The following HHLA1 variants were observed in gnomAD, a reference collection of about 807,000 sequenced individuals.
The protein encoded by HHLA1 is HERV-H LTR-associating protein 1.
HHLA1 carries 72 observed loss-of-function variants against 69.9 expected under a neutral mutation model. The ratio of observed to expected loss-of-function variants is 1.03; its 90% CI spans 0.85 to 1.25. HHLA1 has a LOEUF of 1.25. HHLA1 is among the 50% of genes most tolerant of loss of function. The pLI is 0.00. For missense variants in HHLA1, 685 were observed against 642.2 expected, an observed-to-expected ratio of 1.07 and a Z score of -0.72; for synonymous variants, 252 against 233.2, an observed-to-expected ratio of 1.08 and a Z score of -0.73.
intron 14 of HHLA1, 82 bp downstream of exon 14, chr8:132,075,973 G>A (rs1041456771): frequency 1.3e-5 from 14 of 1,078,868 alleles, no homozygotes; most frequent in Middle Eastern, 2.0e-4. Context: ...TAAATTTACC[G>A]AACAAACCTC....
rs181181623 is a variant in HHLA1, at chr8:132,108,975, A to G, written c.-22+2127T>C. 2.6e-5 allele frequency among the ~76,000 whole-genome samples: 4 copies of G among 152,260 alleles called. No individual in the cohort carries two copies. The East Asian group carries it at 7.7e-4, about 29-fold the overall frequency. ...TGTTAAAGTGATATATAAGTCCCCA[A>G]GTCTGATGGCCCTTTTAGGGTATTT... On this transcript the variant is annotated intron_variant, in intron 1 of 16. Transcript: ENST00000414222.
chr8:132,079,189 A>C (rs1431171000), intron 11 of HHLA1, among the ~76,000 whole-genome samples: 1 of 152,244 alleles, frequency 6.6e-6, no homozygotes, highest in Non-Finnish European at 1.5e-5. Context: ...GGCCTCCTGC[A>C]GGTCATTGGC....
chr8:132,109,188 G>A (rs967944671), intron 1 of HHLA1, among the ~76,000 whole-genome samples: 1 of 152,136 alleles, frequency 6.6e-6, no homozygotes. Context: ...TGTATTTTTA[G>A]TAGAGGCAGG....
chr8:132,090,000 AG>A (rs1311973339), intron 7 of HHLA1, among the ~76,000 whole-genome samples: 1 of 152,226 alleles, frequency 6.6e-6, no homozygotes, highest in East Asian at 1.9e-4. Flanking sequence ...GTAAATTTAC[AG>A]ACTTGGGGGT....
rs750368299 is a variant in HHLA1 at position 132,071,267 on chromosome 8, C to T, written c.1469+73G>A. On this transcript the variant is annotated intron_variant, in intron 15 of 16. Coordinates refer to ENST00000414222, the MANE Select transcript of HHLA1 (RefSeq NM_001145095.3). ...TGCTTATTGCCTGACTGCCTTGTGGCCTGCAGAAAAGCCACACGGAATAAG... is the reference window on the plus strand; with the variant it reads ...TGCTTATTGCCTGACTGCCTTGTGGTCTGCAGAAAAGCCACACGGAATAAG... 293 of 1,381,562 alleles carry T rather than the reference C, an allele frequency of 2.1e-4. No individual in the cohort carries two copies. In the Middle Eastern group the frequency reaches 2.7e-3, roughly 13 times the overall value. 85.6% of individuals were successfully genotyped at this position (1,381,562 alleles called of 1,614,324 possible).
At chr8:132,078,888 G>T (rs750683519) in intron 11 of HHLA1, among the ~76,000 whole-genome samples, 4 of 152,134 alleles carry the variant, frequency 2.6e-5, no homozygotes, top group African/African-American at 9.6e-5. Context: ...AACCCACTGA[G>T]AAAATATTGA....
chr8:132,108,450 A>G (rs1824241447), intron 1 of HHLA1, among the ~76,000 whole-genome samples: 1 of 152,098 alleles, frequency 6.6e-6, no homozygotes. Flanking sequence ...GATATCCAAA[A>G]TTTTACCGTA....
At chr8:132,100,689 A>G (rs1289372095) in intron 3 of HHLA1, among the ~76,000 whole-genome samples, 1 of 152,114 alleles carries the variant, frequency 6.6e-6, no homozygotes, top group Non-Finnish European at 1.5e-5. Flanking sequence ...AGGGGAATGA[A>G]CCCGGTCTCC....
At chr8:132,099,677 A>G (rs1397972030) in intron 4 of HHLA1, among the ~76,000 whole-genome samples, 1 of 152,102 alleles carries the variant, frequency 6.6e-6, no homozygotes, top group Non-Finnish European at 1.5e-5. Flanking sequence ...AACATGGTGA[A>G]ACCCCATAGC....
chr8:132,073,472 C>CT (rs1334775878), intron 14 of HHLA1, among the ~76,000 whole-genome samples: 1 of 152,190 alleles, frequency 6.6e-6, no homozygotes, highest in African/African-American at 2.4e-5. Flanking sequence ...AGGCACTCTC[C>CT]TAAGATCTTT....
chr8:132,078,970 C>T (rs904938593), intron 11 of HHLA1, among the ~76,000 whole-genome samples: 1 of 152,132 alleles, frequency 6.6e-6, no homozygotes, highest in Non-Finnish European at 1.5e-5. Context: ...GCACAACTTG[C>T]AGGTTTGTTA....
chr8:132,097,412 C>T (rs185651584), intron 5 of HHLA1, among the ~76,000 whole-genome samples: 5 of 152,216 alleles, frequency 3.3e-5, no homozygotes, highest in Non-Finnish European at 7.4e-5. Flanking sequence ...TTCTGAATTC[C>T]AACTCTATGT....
At chr8:132,087,958 TTTGA>T (rs1486211070) in intron 8 of HHLA1, 57 bp from the exon 9 acceptor site, 7 of 1,328,830 alleles carry the variant, frequency 5.3e-6, no homozygotes, top group Non-Finnish European at 7.4e-6. Context: ...GCTGTAAGTC[TTTGA>T]TTGAAATGAA....
At position 132,087,862 on chromosome 8, in the gene HHLA1, A is replaced by C; in HGVS notation, c.572T>G (p.Val191Gly). ...TGGTTTACCTGACTTTCCTGTCATC[A>C]CACAGATGAAGATGCAATCTGATTC... Reference protein sequence around the residue: ...SNESDCIFICVMTGKSGRNLS... With the variant: ...SNESDCIFICGMTGKSGRNLS... Residue 191 changes from valine (V) to glycine (G), a missense_variant, in exon 9 of 17, where the codon GTG (valine) becomes GGG (glycine). Transcript: ENST00000414222. The C allele has an allele frequency of 6.4e-7, 1 of 1,551,588 alleles. No individual in the cohort carries two copies. The highest frequency in any genetic ancestry group is 8.7e-7 in the Non-Finnish European group (1 of 1,146,748).
At chr8:132,107,164 A>C (rs1824215033) in intron 1 of HHLA1, among the ~76,000 whole-genome samples, 1 of 152,212 alleles carries the variant, frequency 6.6e-6, no homozygotes, top group Non-Finnish European at 1.5e-5. Context: ...CGGAATTAAA[A>C]GATAAAAACT....
At chr8:132,104,967 AGGTG>A (rs1436425591) in intron 2 of HHLA1, among the ~76,000 whole-genome samples, 1 of 152,210 alleles carries the variant, frequency 6.6e-6, no homozygotes, top group Non-Finnish European at 1.5e-5. Context: ...TTTTGGACAA[AGGTG>A]GTAACAGTGA....
rs182852854 is a variant in HHLA1 at position 132,087,809 on chromosome 8, C to G, written c.589+36G>C. 43 of 1,546,338 alleles carry G rather than the reference C, an allele frequency of 2.8e-5. No individual in the cohort carries two copies. The African/African-American group carries it at 4.4e-4, about 16-fold the overall frequency. ...CTGGACAGTTTTGTCTATTTCTCAG[C>G]CCAGAGAGCTTGTCAAAGAATGTCT... On this transcript the variant is annotated intron_variant, in intron 9 of 16. Transcript: ENST00000414222.
At chr8:132,085,319 T>G (rs1823842049) in intron 10 of HHLA1, 1 of 195,944 alleles carries the variant, frequency 5.1e-6, no homozygotes. Flanking sequence ...AGGGAGAGAT[T>G]GAAGTGTGGT....
chr8:132,079,680 CAT>C, intron 11 of HHLA1, 36 bp downstream of exon 11: 1 of 1,505,094 alleles, frequency 6.6e-7, no homozygotes, highest in Non-Finnish European at 8.9e-7. Flanking sequence ...AGGAGCGAGA[CAT>C]AGCAAAGGGG....
Sources: gnomAD v4.1 joint callset for allele counts (sites outside exome capture counted in the v4.1 genomes callset) on GRCh38, gnomAD v4.1.1 for gene constraint, MANE v1.5 for transcripts, NCBI Gene and HGNC (gene_info 2026-07-23, HGNC 2026-07-21) for gene names.